AGBL1: variants seen among roughly 807,000 people sequenced by gnomAD.
AGBL1 encodes cytosolic carboxypeptidase 4.
Under a neutral mutation model 118.9 loss-of-function variants are expected in AGBL1, and 130 were observed. That is an observed-to-expected ratio of 1.09 (90% CI 0.95 to 1.26). The LOEUF (loss-of-function observed/expected upper bound fraction) is 1.26, where lower values mean the gene tolerates loss of function less well. Among genes scored for constraint, AGBL1 ranks in the 50% most tolerant of loss-of-function variants. The pLI is 0.00. For synonymous variants in AGBL1, 555 were observed against 478.9 expected, an observed-to-expected ratio of 1.16 and a Z score of -2.08; for missense variants, 1,584 against 1,298.1, an observed-to-expected ratio of 1.22 and a Z score of -3.38.
intron 22 of AGBL1, among the ~76,000 whole-genome samples, chr15:86,837,371 T>C (rs1397621874): frequency 6.6e-6 from 1 of 152,210 alleles, no homozygotes; most frequent in African/African-American, 2.4e-5. Context: ...GTTATTGTTG[T>C]GTATATGAAG....
At chr15:86,426,083 A>C (rs1463268450) in intron 18 of AGBL1, among the ~76,000 whole-genome samples, 1 of 152,218 alleles carries the variant, frequency 6.6e-6, no homozygotes, top group Non-Finnish European at 1.5e-5. Context: ...TATATAGTAG[A>C]ACATATGTAG....
At chr15:86,513,239 C>T (rs2083074047) in intron 18 of AGBL1, among the ~76,000 whole-genome samples, 1 of 151,886 alleles carries the variant, frequency 6.6e-6, no homozygotes, top group Admixed American at 6.6e-5. Context: ...AATAGTTCCT[C>T]AGGTTTTTTT....
At chr15:86,307,345 T>C (rs992180790) in intron 17 of AGBL1, among the ~76,000 whole-genome samples, 1 of 152,226 alleles carries the variant, frequency 6.6e-6, no homozygotes, top group Non-Finnish European at 1.5e-5. Context: ...CATGGATTCA[T>C]TCATTTAGCA....
intron 7 of AGBL1, 48 bp from the exon 8 acceptor site, chr15:86,256,805 G>A (rs760001109): frequency 1.0e-5 from 16 of 1,598,524 alleles, no homozygotes; most frequent in South Asian, 1.1e-5. Context: ...TACAGCTAGG[G>A]GACTGTGCCC....
chr15:86,228,360 G>A lies in AGBL1; in HGVS notation c.526+3409G>A, dbSNP rs148658312. Reference sequence around the variant, plus strand: ...TAAAGGCACACTCCTTTTAGCTGGTGATTATTCTGAGCTTGATCTTTGCTT... The same window carrying A: ...TAAAGGCACACTCCTTTTAGCTGGTAATTATTCTGAGCTTGATCTTTGCTT... On this transcript the variant is annotated intron_variant, in intron 6 of 22. Coordinates refer to ENST00000614907, the MANE Select transcript of AGBL1 (RefSeq NM_001386094.1). Among the ~76,000 whole-genome samples the A allele has an allele frequency of 2.6e-5, 4 of 152,314 alleles. No individual in the cohort carries two copies. In the East Asian group the frequency reaches 7.7e-4, roughly 29 times the overall value.
intron 22 of AGBL1, among the ~76,000 whole-genome samples, chr15:86,883,866 C>A (rs115929720): frequency 0.011 from 1,661 of 152,244 alleles, 39 homozygotes; most frequent in African/African-American, 0.037. Flanking sequence ...ATGGCCTAGG[C>A]ACACTGGGTA....
Position 86,881,954 on chromosome 15 carries a change from T to G in AGBL1, c.3159-25133T>G, listed in dbSNP as rs188747716. ...AAACTGTCCCCACGATCCAATCGCC[T>G]CCCACCAGCGCCCACCTCCAACACT... On this transcript the variant is annotated intron_variant, in intron 22 of 22. Coordinates refer to ENST00000614907, the MANE Select transcript of AGBL1 (RefSeq NM_001386094.1). 6.6e-5 allele frequency among the ~76,000 whole-genome samples: 10 copies of G among 152,178 alleles called. No homozygotes were observed. In the East Asian group the frequency reaches 1.9e-3, roughly 29 times the overall value.
At chr15:86,809,102 A>G (rs2078755929) in intron 22 of AGBL1, among the ~76,000 whole-genome samples, 1 of 152,162 alleles carries the variant, frequency 6.6e-6, no homozygotes, top group African/African-American at 2.4e-5. Flanking sequence ...CCAACAATGT[A>G]AGGATTAGAA....
chr15:86,847,930 C>T (rs1333151027), intron 22 of AGBL1, among the ~76,000 whole-genome samples: 1 of 152,194 alleles, frequency 6.6e-6, no homozygotes, highest in Non-Finnish European at 1.5e-5. Flanking sequence ...ATTGCTTGAT[C>T]ACACTAGGTC....
intron 19 of AGBL1, 29 bp downstream of exon 19, chr15:86,522,968 C>A: frequency 6.2e-7 from 1 of 1,608,152 alleles, no homozygotes; most frequent in Non-Finnish European, 8.5e-7. Flanking sequence ...CCTCCACCTT[C>A]CTGGCTGCTT....
chr15:87,000,896 T>G (rs1222744714), intron 24 of AGBL1, among the ~76,000 whole-genome samples: 65 of 143,976 alleles, frequency 4.5e-4, no homozygotes, highest in African/African-American at 1.6e-3. Flanking sequence ...TATCCTCTTT[T>G]ATTTCCTTGA....
chr15:86,885,811 A>G (rs74027145), intron 22 of AGBL1, among the ~76,000 whole-genome samples: 17,217 of 152,194 alleles, frequency 0.11, 1,482 homozygotes, highest in East Asian at 0.32. Flanking sequence ...TCTTCCTACA[A>G]CTGAGACTGA....
chr15:86,107,161 C>A (rs1217464597), intron 1 of AGBL1, among the ~76,000 whole-genome samples: 1 of 152,280 alleles, frequency 6.6e-6, no homozygotes, highest in African/African-American at 2.4e-5. Context: ...AATATGGCAT[C>A]CTGTGGTTTA....
intron 5 of AGBL1, among the ~76,000 whole-genome samples, chr15:86,204,099 A>T (rs2077951028): frequency 6.6e-6 from 1 of 152,128 alleles, no homozygotes; most frequent in Non-Finnish European, 1.5e-5. Context: ...AGGCTGAAAA[A>T]AGCAGGTGGA....
chr15:86,209,005 G>T (rs1228952087), intron 5 of AGBL1, among the ~76,000 whole-genome samples: 1 of 152,096 alleles, frequency 6.6e-6, no homozygotes, highest in Non-Finnish European at 1.5e-5. Context: ...CAGAGATTAT[G>T]GTATGTTGTG....
At chr15:86,354,846 A>G (rs2080687689) in intron 17 of AGBL1, among the ~76,000 whole-genome samples, 1 of 152,220 alleles carries the variant, frequency 6.6e-6, no homozygotes, top group Non-Finnish European at 1.5e-5. Flanking sequence ...GCCATTAAAA[A>G]CAGAGACCAT....
chr15:86,104,955 C>T (rs1319582473), intron 1 of AGBL1: 5 of 152,098 alleles, frequency 3.3e-5, no homozygotes, highest in Admixed American at 1.3e-4. Flanking sequence ...CACTGGGAGC[C>T]CCTTGCCTAC....
intron 22 of AGBL1, among the ~76,000 whole-genome samples, chr15:86,766,177 A>G (rs2141279873): frequency 6.6e-6 from 1 of 152,070 alleles, no homozygotes; most frequent in East Asian, 1.9e-4. Context: ...GTCCAGGGTC[A>G]CACAGCCAGC....
chr15:86,821,320 G>C (rs867911490), intron 22 of AGBL1, among the ~76,000 whole-genome samples: 1 of 152,066 alleles, frequency 6.6e-6, no homozygotes, highest in South Asian at 2.1e-4. Context: ...AGAACTTAAA[G>C]TATAATAATA....
Sources: gnomAD v4.1 joint callset for allele counts (sites outside exome capture counted in the v4.1 genomes callset) on GRCh38, gnomAD v4.1.1 for gene constraint, MANE v1.5 for transcripts, NCBI Gene and HGNC (gene_info 2026-07-23, HGNC 2026-07-21) for gene names.